CFAP95: variants seen among roughly 807,000 people sequenced by gnomAD.
The protein encoded by CFAP95 is cilia- and flagella-associated protein 95.
the CFAP95 span, among the ~76,000 whole-genome samples, chr9:69,865,922 T>C: frequency 6.6e-6 from 1 of 152,158 alleles, no homozygotes; most frequent in Admixed American, 6.5e-5. Flanking sequence ...ACTCTATGAA[T>C]TGGTTTCATC....
the CFAP95 span, among the ~76,000 whole-genome samples, chr9:69,892,587 C>T: frequency 6.6e-6 from 1 of 152,206 alleles, no homozygotes; most frequent in Non-Finnish European, 1.5e-5. Context: ...GTGAGGGTCA[C>T]ATCCTCAAGC....
the CFAP95 span, among the ~76,000 whole-genome samples, chr9:69,846,464 G>A: frequency 6.6e-6 from 1 of 152,154 alleles, no homozygotes; most frequent in African/African-American, 2.4e-5. Context: ...TATTTCTGAT[G>A]GAACTGCTAT....
chr9:69,889,684 G>A, the CFAP95 span, among the ~76,000 whole-genome samples: 1 of 152,014 alleles, frequency 6.6e-6, no homozygotes, highest in Non-Finnish European at 1.5e-5. Context: ...CTCTTTCTTT[G>A]CTGCAACACC....
chr9:69,850,522 A>G, the CFAP95 span, among the ~76,000 whole-genome samples: 1 of 152,252 alleles, frequency 6.6e-6, no homozygotes, highest in Non-Finnish European at 1.5e-5. Flanking sequence ...TACAAACGAT[A>G]TAATTATACC....
chr9:69,895,900 A>T, the CFAP95 span, among the ~76,000 whole-genome samples: 2 of 152,072 alleles, frequency 1.3e-5, no homozygotes, highest in African/African-American at 4.8e-5. Context: ...GGCTCAAGTG[A>T]TCCTCCTGCC....
the CFAP95 span, among the ~76,000 whole-genome samples, chr9:69,845,983 TC>T: frequency 2.0e-5 from 3 of 151,998 alleles, no homozygotes; most frequent in African/African-American, 7.3e-5. Flanking sequence ...CTTGCTCCAT[TC>T]CCCCACAAAC....
At chr9:69,835,661 T>C in the CFAP95 span, among the ~76,000 whole-genome samples, 1 of 152,234 alleles carries the variant, frequency 6.6e-6, no homozygotes, top group Non-Finnish European at 1.5e-5. Context: ...TCATTTAAGA[T>C]TTAATGAGCA....
the CFAP95 span, among the ~76,000 whole-genome samples, chr9:69,866,395 G>T: frequency 9.8e-4 from 149 of 152,276 alleles, no homozygotes; most frequent in African/African-American, 3.4e-3. Context: ...TGTAACTCCT[G>T]GTTCAATTCT....
the CFAP95 span, among the ~76,000 whole-genome samples, chr9:69,828,989 C>A: frequency 6.6e-6 from 1 of 152,196 alleles, no homozygotes; most frequent in East Asian, 1.9e-4. Context: ...GCTTCTGAGT[C>A]ACCCTCCATG....
chr9:69,859,814 G>T, the CFAP95 span, among the ~76,000 whole-genome samples: 1 of 152,208 alleles, frequency 6.6e-6, no homozygotes, highest in Non-Finnish European at 1.5e-5. Flanking sequence ...AAAATCCATT[G>T]CTCCTAGACT....
At chr9:69,852,562 G>C in the CFAP95 span, among the ~76,000 whole-genome samples, 7 of 152,012 alleles carry the variant, frequency 4.6e-5, no homozygotes, top group African/African-American at 1.7e-4. Context: ...CTGAGAGTGG[G>C]GCCTCAATGA....
the CFAP95 span, among the ~76,000 whole-genome samples, chr9:69,834,750 T>A: frequency 6.6e-6 from 1 of 152,240 alleles, no homozygotes; most frequent in African/African-American, 2.4e-5. Context: ...TGGTTTCCTT[T>A]TGAGTGCAGT....
the CFAP95 span, among the ~76,000 whole-genome samples, chr9:69,856,849 C>T: frequency 3.4e-4 from 51 of 151,492 alleles, no homozygotes; most frequent in African/African-American, 8.7e-4. Context: ...AGTTTCTTTT[C>T]GTCAATTGTT....
chr9:69,882,843 G>T, the CFAP95 span, among the ~76,000 whole-genome samples: 1 of 151,984 alleles, frequency 6.6e-6, no homozygotes, highest in Non-Finnish European at 1.5e-5. Flanking sequence ...TGTTGAATTT[G>T]GTTTGCTAGT....
At chr9:69,857,269 C>G in the CFAP95 span, among the ~76,000 whole-genome samples, 1 of 152,126 alleles carries the variant, frequency 6.6e-6, no homozygotes, top group Non-Finnish European at 1.5e-5. Flanking sequence ...ATAGAGAGTT[C>G]TTTGAGGATA....
chr9:69,905,539 T>G, the CFAP95 span, among the ~76,000 whole-genome samples: 3 of 152,192 alleles, frequency 2.0e-5, no homozygotes, highest in Non-Finnish European at 4.4e-5. Flanking sequence ...TATGACTTGG[T>G]AACAATTATT....
the CFAP95 span, among the ~76,000 whole-genome samples, chr9:69,844,787 A>C: frequency 6.6e-6 from 1 of 152,230 alleles, no homozygotes; most frequent in African/African-American, 2.4e-5. Flanking sequence ...TACCTGTAAA[A>C]TGTGCCTACC....
At chr9:69,898,061 G>C in the CFAP95 span, among the ~76,000 whole-genome samples, 2 of 152,138 alleles carry the variant, frequency 1.3e-5, no homozygotes, top group African/African-American at 4.8e-5. Context: ...TTTCTCTGGT[G>C]CTCTTTCTTT....
At chr9:69,877,305 T>A in the CFAP95 span, among the ~76,000 whole-genome samples, 331 of 152,308 alleles carry the variant, frequency 2.2e-3, no homozygotes, top group African/African-American at 7.6e-3. Flanking sequence ...CTGACTCTCT[T>A]TGGCACTTCA....
Sources: allele counts gnomAD v4.1 joint callset (sites outside exome capture counted in the v4.1 genomes callset), GRCh38; gene constraint gnomAD v4.1.1; transcripts MANE v1.5; gene names NCBI Gene and HGNC (gene_info 2026-07-23, HGNC 2026-07-21).